Variants in TUBGCP5 observed in about 807,000 individuals in gnomAD.
The protein encoded by TUBGCP5 is tubulin gamma complex component 5, also known as gamma-tubulin complex component 5.
TUBGCP5 carries 98 observed loss-of-function variants against 134.7 expected under a neutral mutation model. The ratio of observed to expected loss-of-function variants is 0.73; its 90% CI spans 0.62 to 0.86. The LOEUF is 0.86. Ranked by LOEUF, TUBGCP5 falls within the 40% of genes least tolerant of loss-of-function variation. TUBGCP5 has a pLI of 0.00. For synonymous variants in TUBGCP5, 456 were observed against 431.4 expected, an observed-to-expected ratio of 1.06 and a Z score of -0.71; for missense variants, 1,150 against 1,244.8, an observed-to-expected ratio of 0.92 and a Z score of 1.15.
At chr15:22,994,486 GATGTCTTTTC>G (rs1161742884), downstream of TUBGCP5, among the ~76,000 whole-genome samples, 26 of 152,212 alleles carry the variant, frequency 1.7e-4, no homozygotes, top group Non-Finnish European at 2.6e-4. Context: ...TCAGTGTAAA[GATGTCTTTTC>G]ATTCAGAAAA....
intron 23 of TUBGCP5, among the ~76,000 whole-genome samples, chr15:22,993,525 GT>G (rs71414252): frequency 0.059 from 4,107 of 69,224 alleles, 400 homozygotes; most frequent in African/African-American, 0.23. Context: ...AGCCCCCGAA[GT>G]TTTTTTTTTT....
intron 3 of TUBGCP5, among the ~76,000 whole-genome samples, chr15:23,033,144 T>A (rs1471331074): frequency 6.6e-6 from 1 of 152,176 alleles, no homozygotes; most frequent in Non-Finnish European, 1.5e-5. Context: ...TATTCTCCTG[T>A]GGCAATATGT....
At chr15:23,003,521 C>A (rs17137279) in intron 20 of TUBGCP5, among the ~76,000 whole-genome samples, 6,702 of 151,844 alleles carry the variant, frequency 0.044, 373 homozygotes, top group African/African-American at 0.13. Flanking sequence ...CAACTGCAGA[C>A]ACAATTTTCC....
At chr15:23,036,263 G>C (rs763572624) in intron 3 of TUBGCP5, among the ~76,000 whole-genome samples, 1 of 152,136 alleles carries the variant, frequency 6.6e-6, no homozygotes, top group Non-Finnish European at 1.5e-5. Flanking sequence ...GGCCCTGGGG[G>C]GAGTGGAGGG....
In TUBGCP5 at chr15:23,026,191, T is replaced by A. The variant is rs368438507; in HGVS notation, c.752A>T (p.Tyr251Phe). The A allele has an allele frequency of 6.2e-7, 1 of 1,613,302 alleles. No homozygotes were observed. The highest frequency in any genetic ancestry group is 8.5e-7 in the Non-Finnish European group (1 of 1,179,700). ...TGGAACATACAATGGATCACTGCTGTACAAGTGTTGGTCCCTATGAGACAG... is the reference window on the plus strand; with the variant it reads ...TGGAACATACAATGGATCACTGCTGAACAAGTGTTGGTCCCTATGAGACAG... ...NLAAVWDQHLYSSDPLYVPDD... is the reference protein window; with the variant it reads ...NLAAVWDQHLFSSDPLYVPDD... The change falls in exon 8 of 23, where the codon TAC becomes TTC. Residue 251 changes from tyrosine to phenylalanine, a missense_variant. Physicochemically the swap from Tyr to Phe is conservative, Grantham distance 22 (BLOSUM62 3). Around this residue, in one of 2 missense-constraint regions of TUBGCP5, gnomAD observed 453 missense variants for 394.7 expected, o/e 1.15. Transcript: ENST00000615383.
chr15:23,005,505 ATCTGCTGTCTTACTGGT>A lies in TUBGCP5; in HGVS notation c.2622_2638del (p.Glu874AspfsTer49). 1 of 1,614,216 alleles carries A rather than the reference ATCTGCTGTCTTACTGGT, an allele frequency of 6.2e-7. No homozygotes were observed. Among genetic ancestry groups the A allele is most frequent in the Non-Finnish European group, 8.5e-7 (1 of 1,180,026 alleles). Reference sequence around the variant, plus strand: ...CACTCTTAAGAGGAACATGCGATGAATCTGCTGTCTTACTGGTTCTTTTTGTGGTCCGAACTGAGCAA... The same window carrying A: ...CACTCTTAAGAGGAACATGCGATGAATCTTTTTGTGGTCCGAACTGAGCAA... On this transcript the variant is annotated frameshift_variant, in exon 19 of 23. Coordinates refer to ENST00000615383, the MANE Select transcript of TUBGCP5 (RefSeq NM_052903.6). LOFTEE classifies it high-confidence loss of function.
chr15:22,992,801 G>A (rs756053998), intron 23 of TUBGCP5, among the ~76,000 whole-genome samples: 1 of 152,116 alleles, frequency 6.6e-6, no homozygotes, highest in Non-Finnish European at 1.5e-5. Flanking sequence ...GTTACCTGAC[G>A]TTACATGGAT....
intron 5 of TUBGCP5, 102 bp downstream of exon 5, chr15:23,031,848 C>T (rs982098442): frequency 4.4e-5 from 33 of 752,648 alleles, no homozygotes; most frequent in Non-Finnish European, 6.6e-5. Context: ...GAAGAGTGTT[C>T]CTGTTTTAGC....
intron 9 of TUBGCP5, 33 bp from the exon 10 acceptor site, chr15:23,024,226 G>A (rs1241169091): frequency 1.2e-6 from 2 of 1,601,588 alleles, no homozygotes; most frequent in East Asian, 2.2e-5. Flanking sequence ...TTATTCAAAG[G>A]TGGTCTTCTG....
At position 23,017,809 on chromosome 15, in the gene TUBGCP5, A is replaced by G. The variant is rs756109913; in HGVS notation, c.1720T>C (p.Cys574Arg). 2.5e-6 allele frequency: 4 copies of G among 1,613,928 alleles called. No individual in the cohort carries two copies. The South Asian group carries it at 4.4e-5, about 18-fold the overall frequency. ...KSMQLLKNLQ[C>R]AESTTCQAGA... is the part of the protein sequence containing the mutation. The stretch of plus-strand genomic sequence containing the variant: ...GCCTGGCAGGTGGTGCTCTCCGCAC[A>G]CTGCAGGTTCTTCAGCAGCTGCATC... Residue 574 changes from cysteine (C) to arginine (R), a missense_variant, in exon 13 of 23, where the codon TGT (cysteine) becomes CGT (arginine). Around this residue, in one of 2 missense-constraint regions of TUBGCP5, gnomAD observed 697 missense variants for 850.1 expected, o/e 0.82. Transcript: ENST00000615383.
At chr15:22,985,132 G>T (rs917965227) in intron 23 of TUBGCP5, among the ~76,000 whole-genome samples, 1 of 152,110 alleles carries the variant, frequency 6.6e-6, no homozygotes, top group Non-Finnish European at 1.5e-5. Context: ...CTCCTATGAT[G>T]GTAATTCTAC....
chr15:23,026,570 G>T (rs566049510), intron 7 of TUBGCP5, among the ~76,000 whole-genome samples: 1 of 152,070 alleles, frequency 6.6e-6, no homozygotes, highest in Non-Finnish European at 1.5e-5. Context: ...TGGAAACAGA[G>T]ACTATAATTA....
At position 23,008,808 on chromosome 15, in the gene TUBGCP5, T is replaced by A; in HGVS notation, c.2218A>T (p.Thr740Ser). The A allele has an allele frequency of 6.2e-7, 1 of 1,601,872 alleles. No individual in the cohort carries two copies. Among genetic ancestry groups the A allele is most frequent in the Non-Finnish European group, 8.5e-7 (1 of 1,177,298 alleles). Residue 740 changes from threonine (T) to serine (S), a missense_variant, in exon 16 of 23, where the codon ACG becomes TCG. By Grantham distance (58) the Thr-to-Ser change is moderately conservative. Around this residue, in one of 2 missense-constraint regions of TUBGCP5, gnomAD observed 697 missense variants for 850.1 expected, o/e 0.82. Coordinates refer to ENST00000615383, the MANE Select transcript of TUBGCP5 (RefSeq NM_052903.6). The part of the protein sequence containing the change: ...EGGDTMYDFY[T>S]SIFDKIREKE... The stretch of plus-strand genomic sequence containing the variant: ...TCTCTTATTTTATCAAAAATTGACG[T>A]GTAGAAGTCATACATGGTATCTCCT...
intron 23 of TUBGCP5, among the ~76,000 whole-genome samples, chr15:22,986,144 A>AT (rs1400649212): frequency 0.019 from 1,646 of 85,582 alleles, 36 homozygotes; most frequent in African/African-American, 0.064. Context: ...AAAAAAAAAA[A>AT]AAAAATAATA....
intron 9 of TUBGCP5, chr15:23,024,516 A>G (rs768214652): frequency 5.6e-5 from 25 of 443,450 alleles, no homozygotes; most frequent in Non-Finnish European, 8.6e-5. Context: ...TTGAAATTAA[A>G]TATGTTCCAA....
chr15:23,032,144 A>T, intron 4 of TUBGCP5, 115 bp from the exon 5 acceptor site: 1 of 637,964 alleles, frequency 1.6e-6, no homozygotes, highest in East Asian at 2.8e-5. Flanking sequence ...ATAAAAATTT[A>T]AAAATATTGA....
rs536316130 is a variant in TUBGCP5 at position 23,006,141 on chromosome 15, A to G, written c.2444T>C (p.Leu815Ser). The change falls in exon 18 of 23, where the codon TTG becomes TCG. Residue 815 changes from leucine (L) to serine (S), a missense_variant. By Grantham distance (145) the Leu-to-Ser change is moderately radical. Coordinates refer to ENST00000615383, the MANE Select transcript of TUBGCP5 (RefSeq NM_052903.6). ...TTGATTATAAATTTTTTGACATTCC[A>G]AACTTATAACAATGTCCACGGGCCA... ...VPWPVDIVISLECQKIYNQVF... is the reference protein window; with the variant it reads ...VPWPVDIVISSECQKIYNQVF... The G allele has an allele frequency of 6.0e-4, 970 of 1,611,524 alleles. 22 individuals are homozygous for G. In the South Asian group the frequency reaches 8.9e-3, roughly 15 times the overall value.
intron 10 of TUBGCP5, among the ~76,000 whole-genome samples, chr15:23,022,394 A>G (rs2065756453): frequency 6.6e-6 from 1 of 152,222 alleles, no homozygotes; most frequent in Non-Finnish European, 1.5e-5. Context: ...ACAGTTCATA[A>G]AAAAGGAATG....
chr15:23,002,605 T>C (rs1283836232), intron 21 of TUBGCP5, among the ~76,000 whole-genome samples: 2 of 152,144 alleles, frequency 1.3e-5, no homozygotes, highest in Non-Finnish European at 2.9e-5. Flanking sequence ...TGGAGAATAG[T>C]CTAGCATGAT....
Sources: gnomAD v4.1 joint callset for allele counts (sites outside exome capture counted in the v4.1 genomes callset) on GRCh38, gnomAD v4.1.1 for gene constraint, gnomAD v4.1.1 regional missense constraint, MANE v1.5 for transcripts, NCBI Gene and HGNC (gene_info 2026-07-23, HGNC 2026-07-21) for gene names.